The following ACACA variants were observed in gnomAD, a reference collection of about 807,000 sequenced individuals.
ACACA encodes the protein acetyl-CoA carboxylase 1.
Under a neutral mutation model 296.1 loss-of-function variants are expected in ACACA, and 103 were observed. The observed-to-expected ratio is 0.35, with a 90% CI of 0.30 to 0.41. The LOEUF (loss-of-function observed/expected upper bound fraction) is 0.41. Among genes scored for constraint, ACACA ranks in the 10% least tolerant of loss-of-function variants. ACACA has a pLI of 1.00. For missense variants in ACACA, 1,554 were observed against 2,989.7 expected (o/e 0.52, Z 11.20); for synonymous variants, 953 against 1,038.6 (o/e 0.92, Z 1.58).
chr17:37,227,389 A>G (rs2079587737), intron 25 of ACACA, among the ~76,000 whole-genome samples: 1 of 152,146 alleles, frequency 6.6e-6, no homozygotes, highest in African/African-American at 2.4e-5. Context: ...ATATCCATTT[A>G]GATATCACTA....
chr17:37,333,270 G>A (rs563591224), intron 2 of ACACA, among the ~76,000 whole-genome samples: 213 of 152,262 alleles, frequency 1.4e-3, no homozygotes, highest in African/African-American at 5.0e-3. Context: ...CAAACATCGG[G>A]AAGCCATCAG....
In ACACA at chr17:37,299,368, G is replaced by C. The variant is rs1598432280; in HGVS notation, c.339-14398C>G. On this transcript the variant is annotated intron_variant, in intron 3 of 55. Transcript: ENST00000616317. ...GAAAAGAATGGAAGCTTTTTCTTCA[G>C]ATTTCGGCCTTGTAAACACAAGCCG... is the stretch of plus-strand genomic sequence containing the variant. 5.0e-6 allele frequency: 8 copies of C among 1,613,822 alleles called. No homozygotes were observed. The South Asian group carries it at 8.8e-5, about 18-fold the overall frequency.
chr17:37,114,462 T>C (rs2074138539), intron 50 of ACACA, among the ~76,000 whole-genome samples: 1 of 148,926 alleles, frequency 6.7e-6, no homozygotes, highest in South Asian at 2.1e-4. Flanking sequence ...CCTAGGAGGC[T>C]GAGACCTGCA....
At chr17:37,340,489 T>C (rs1267637225) in intron 1 of ACACA, among the ~76,000 whole-genome samples, 1 of 152,178 alleles carries the variant, frequency 6.6e-6, no homozygotes, top group African/African-American at 2.4e-5. Flanking sequence ...TGAATCAGAA[T>C]TGCAGCTGGA....
chr17:37,169,008 T>A (rs796351518), intron 41 of ACACA, among the ~76,000 whole-genome samples: 8 of 152,344 alleles, frequency 5.3e-5, no homozygotes, highest in African/African-American at 1.4e-4. Flanking sequence ...CCTTTCATCT[T>A]GAAGAGGGCT....
At chr17:37,346,191 C>T (rs2048607515) in intron 1 of ACACA, among the ~76,000 whole-genome samples, 1 of 151,994 alleles carries the variant, frequency 6.6e-6, no homozygotes, top group South Asian at 2.1e-4. Context: ...GAGGCATGCA[C>T]CTGTAATCTC....
At chr17:37,402,653 C>T (rs897888831) in intron 1 of ACACA, among the ~76,000 whole-genome samples, 1 of 152,026 alleles carries the variant, frequency 6.6e-6, no homozygotes, top group Non-Finnish European at 1.5e-5. Context: ...TATGTATCTT[C>T]TACATTTTGC....
chr17:37,118,252 G>A (rs1377010865), intron 50 of ACACA, among the ~76,000 whole-genome samples: 1 of 152,106 alleles, frequency 6.6e-6, no homozygotes, highest in Non-Finnish European at 1.5e-5. Flanking sequence ...TCAGACCAAG[G>A]GCAGCAGGGA....
At position 37,396,273 on chromosome 17, in the gene ACACA, G is replaced by C. The variant is rs1273799969; in HGVS notation, c.38+9989C>G. On this transcript the variant is annotated intron_variant, in intron 1 of 55. Coordinates refer to ENST00000616317, the MANE Select transcript of ACACA (RefSeq NM_198834.3). Reference sequence around the variant, plus strand: ...GAGAATCGCTTGAACCCAGGAGGCAGAGGTTGCAGTGAGCTGAGATGGTGA... The same window carrying C: ...GAGAATCGCTTGAACCCAGGAGGCACAGGTTGCAGTGAGCTGAGATGGTGA... Among the ~76,000 whole-genome samples, 3 of 150,826 alleles carry C rather than the reference G, an allele frequency of 2.0e-5. No individual in the cohort carries two copies. The East Asian group carries it at 5.8e-4, about 29-fold the overall frequency.
chr17:37,181,988 A>G (rs2077345224), intron 39 of ACACA, among the ~76,000 whole-genome samples: 1 of 151,686 alleles, frequency 6.6e-6, no homozygotes, highest in Non-Finnish European at 1.5e-5. Flanking sequence ...TGACCATGCT[A>G]GCCATCTAAA....
intron 1 of ACACA, among the ~76,000 whole-genome samples, chr17:37,396,838 C>T (rs1398249705): frequency 4.9e-4 from 74 of 152,106 alleles, no homozygotes; most frequent in Non-Finnish European, 2.9e-5. Flanking sequence ...TGAGTTGACA[C>T]AATGGCCCTC....
At position 37,092,022 on chromosome 17, in the gene ACACA, T is replaced by C. The variant is rs146553206; in HGVS notation, c.6892-2948A>G. Reference sequence around the variant, plus strand: ...ATGAAAATGGGCCTGGCACAGTGGCTCACGCCTGTTATCCCAGCAATTTGG... The same window carrying C: ...ATGAAAATGGGCCTGGCACAGTGGCCCACGCCTGTTATCCCAGCAATTTGG... On this transcript the variant is annotated intron_variant, in intron 54 of 55. Coordinates refer to ENST00000616317, the MANE Select transcript of ACACA (RefSeq NM_198834.3). Among the ~76,000 whole-genome samples, 1,277 of 152,050 alleles carry C rather than the reference T, an allele frequency of 8.4e-3. 14 individuals carry two copies. Among genetic ancestry groups the C allele is most frequent in the African/African-American group, 0.029 (1,222 of 41,490 alleles).
intron 52 of ACACA, among the ~76,000 whole-genome samples, chr17:37,105,283 G>C (rs2142915410): frequency 6.6e-6 from 1 of 152,298 alleles, no homozygotes; most frequent in East Asian, 1.9e-4. Flanking sequence ...TTTTATAAAA[G>C]AATGTGATAT....
chr17:37,151,867 A>G (rs2144156669), intron 43 of ACACA, among the ~76,000 whole-genome samples: 1 of 151,786 alleles, frequency 6.6e-6, no homozygotes, highest in East Asian at 2.0e-4. Context: ...TCACCGTGTT[A>G]GCCAGGATGG....
At chr17:37,128,576 A>G (rs1239369091) in intron 47 of ACACA, among the ~76,000 whole-genome samples, 1 of 152,258 alleles carries the variant, frequency 6.6e-6, no homozygotes, top group African/African-American at 2.4e-5. Flanking sequence ...TGGATTCAAA[A>G]TACAGCAGAG....
At chr17:37,153,157 C>T (rs780593697) in intron 43 of ACACA, among the ~76,000 whole-genome samples, 3 of 152,132 alleles carry the variant, frequency 2.0e-5, no homozygotes, top group Admixed American at 6.5e-5. Context: ...AGGACCCAGC[C>T]AGACTTGCCT....
chr17:37,373,972 T>C (rs985825907), intron 1 of ACACA, among the ~76,000 whole-genome samples: 2 of 152,166 alleles, frequency 1.3e-5, no homozygotes, highest in African/African-American at 4.8e-5. Flanking sequence ...TGAATAAAGA[T>C]TTCCTTGGAC....
In ACACA at chr17:37,096,247, C is replaced by A. The variant is rs1217724306; in HGVS notation, c.6891+749G>T. ...ACTGCTTAAAATACCTGAGTGGTTT[C>A]CGACAGGCCTCAGGACAAAGTCCAA... On this transcript the variant is annotated intron_variant, in intron 54 of 55. Transcript: ENST00000616317. 2.6e-5 allele frequency among the ~76,000 whole-genome samples: 4 copies of A among 152,170 alleles called. No homozygotes were observed. In the East Asian group the frequency reaches 7.7e-4, roughly 29 times the overall value.
At chr17:37,188,726 T>C (rs76375002) in intron 38 of ACACA, among the ~76,000 whole-genome samples, 3,369 of 152,296 alleles carry the variant, frequency 0.022, 119 homozygotes, top group African/African-American at 0.077. Flanking sequence ...CCCAAATCTC[T>C]GCAACTCCTT....
Sources: allele counts gnomAD v4.1 joint callset (sites outside exome capture counted in the v4.1 genomes callset), GRCh38; gene constraint gnomAD v4.1.1; transcripts MANE v1.5; gene names NCBI Gene and HGNC (gene_info 2026-07-23, HGNC 2026-07-21).